FUT9: variants seen among roughly 807,000 people sequenced by gnomAD.
FUT9 encodes 4-galactosyl-N-acetylglucosaminide 3-alpha-L-fucosyltransferase 9.
FUT9 carries 15 observed loss-of-function variants against 29.7 expected under a neutral mutation model. The ratio of observed to expected loss-of-function variants is 0.51; its 90% CI spans 0.34 to 0.78. FUT9 has a LOEUF of 0.78. FUT9 is among the 30% of genes least tolerant of loss of function. The pLI is 0.01. For missense variants in FUT9, 319 were observed against 425.4 expected (o/e 0.75, Z 2.20); for synonymous variants, 169 against 153.7 (o/e 1.10, Z -0.74).
intron 1 of FUT9, among the ~76,000 whole-genome samples, chr6:96,016,483 C>G (rs958698341): frequency 2.6e-5 from 4 of 152,194 alleles, no homozygotes; most frequent in Non-Finnish European, 4.4e-5. Context: ...ACACTAGCAG[C>G]AGTAGATGGC....
At chr6:96,161,422 T>C (rs1458805047) in intron 2 of FUT9, among the ~76,000 whole-genome samples, 1 of 152,150 alleles carries the variant, frequency 6.6e-6, no homozygotes, top group Non-Finnish European at 1.5e-5. Flanking sequence ...GAGAAATAAA[T>C]ATTTGTTGTT....
chr6:96,102,270 A>G (rs1771599694), intron 1 of FUT9, among the ~76,000 whole-genome samples: 1 of 152,144 alleles, frequency 6.6e-6, no homozygotes, highest in South Asian at 2.1e-4. Context: ...TATTTATTAC[A>G]ATGACAAGTA....
chr6:96,109,888 C>T (rs1771764828), intron 1 of FUT9, among the ~76,000 whole-genome samples: 1 of 152,092 alleles, frequency 6.6e-6, no homozygotes, highest in Admixed American at 6.6e-5. Flanking sequence ...GCTGTCTTAC[C>T]CTTCCCCTCA....
At chr6:96,055,549 T>C (rs1463020751) in intron 1 of FUT9, among the ~76,000 whole-genome samples, 3 of 151,926 alleles carry the variant, frequency 2.0e-5, no homozygotes, top group Admixed American at 6.6e-5. Context: ...TTAACTTTAT[T>C]GTTCAAGGGT....
At chr6:96,050,914 T>G (rs1372090636) in intron 1 of FUT9, among the ~76,000 whole-genome samples, 1 of 152,196 alleles carries the variant, frequency 6.6e-6, no homozygotes, top group African/African-American at 2.4e-5. Context: ...ATAAAAACAC[T>G]TAATAATGTA....
chr6:96,069,682 A>G (rs1771025026), intron 1 of FUT9, among the ~76,000 whole-genome samples: 1 of 151,476 alleles, frequency 6.6e-6, no homozygotes, highest in Admixed American at 6.6e-5. Context: ...CCCAGGCTGG[A>G]GTGCAGTGGT....
At chr6:96,125,673 T>G (rs1275419319) in intron 2 of FUT9, among the ~76,000 whole-genome samples, 3 of 152,136 alleles carry the variant, frequency 2.0e-5, no homozygotes, top group Non-Finnish European at 4.4e-5. Flanking sequence ...CTTCTGAACC[T>G]CCACCTGCAC....
chr6:96,026,350 C>T (rs896834938), intron 1 of FUT9, among the ~76,000 whole-genome samples: 2 of 151,520 alleles, frequency 1.3e-5, no homozygotes, highest in Admixed American at 1.3e-4. Context: ...AAGAAGGAAG[C>T]TTTTGGAACA....
At chr6:96,138,438 G>A (rs1772400741) in intron 2 of FUT9, among the ~76,000 whole-genome samples, 1 of 150,360 alleles carries the variant, frequency 6.7e-6, no homozygotes, top group Non-Finnish European at 1.5e-5. Flanking sequence ...GATATGTGCA[G>A]GAATATTCTT....
intron 2 of FUT9, among the ~76,000 whole-genome samples, chr6:96,168,544 A>C (rs1380939669): frequency 6.6e-6 from 1 of 152,248 alleles, no homozygotes; most frequent in East Asian, 1.9e-4. Flanking sequence ...AGAGTGAATA[A>C]GATGAAGACT....
intron 1 of FUT9, among the ~76,000 whole-genome samples, chr6:96,018,105 T>A (rs887160206): frequency 6.6e-6 from 1 of 152,160 alleles, no homozygotes; most frequent in African/African-American, 2.4e-5. Context: ...CTGTGAATAA[T>A]GAGTTTATTG....
chr6:96,089,102 A>G (rs762569344), intron 1 of FUT9, among the ~76,000 whole-genome samples: 1 of 152,200 alleles, frequency 6.6e-6, no homozygotes, highest in African/African-American at 2.4e-5. Context: ...ATCGGAATAC[A>G]AACTATAACT....
chr6:96,042,622 A>G (rs1317956202), intron 1 of FUT9, among the ~76,000 whole-genome samples: 1 of 152,124 alleles, frequency 6.6e-6, no homozygotes, highest in Non-Finnish European at 1.5e-5. Flanking sequence ...TTTTTTAGTT[A>G]TTTAATGTAG....
intron 2 of FUT9, among the ~76,000 whole-genome samples, chr6:96,140,372 C>T (rs1038761861): frequency 1.3e-5 from 2 of 151,414 alleles, no homozygotes; most frequent in East Asian, 1.9e-4. Context: ...CCAACATCTT[C>T]CTGTCTTCTT....
At chr6:96,151,222 A>T (rs1250247657) in intron 2 of FUT9, among the ~76,000 whole-genome samples, 1 of 152,158 alleles carries the variant, frequency 6.6e-6, no homozygotes, top group East Asian at 1.9e-4. Context: ...CTTTGATTAA[A>T]CTTGATAGTG....
intron 2 of FUT9, among the ~76,000 whole-genome samples, chr6:96,160,943 T>C (rs1772888588): frequency 6.6e-6 from 1 of 152,168 alleles, no homozygotes; most frequent in African/African-American, 2.4e-5. Flanking sequence ...TATTCTGTTT[T>C]TAAACTATGA....
intron 1 of FUT9, among the ~76,000 whole-genome samples, chr6:96,112,704 G>A (rs536274755): frequency 2.0e-5 from 3 of 152,138 alleles, no homozygotes; most frequent in Non-Finnish European, 4.4e-5. Context: ...AGAACAAGAT[G>A]CTTAACAAGT....
In FUT9 at chr6:96,063,038, CTA is replaced by C. The variant is rs553787373; in HGVS notation, c.-98+46827_-98+46828del. On this transcript the variant is annotated intron_variant, in intron 1 of 2. Transcript: ENST00000302103. ...TAATTTCCTTGTGAAAAGATAATGA[CTA>C]AACCTCCTCGTAAATGAACTAATAG... Among the ~76,000 whole-genome samples the C allele has an allele frequency of 3.0e-3, 454 of 152,240 alleles. 1 individual carries two copies. Among genetic ancestry groups the C allele is most frequent in the African/African-American group, 0.01 (425 of 41,534 alleles).
chr6:96,105,346 C>G (rs1041227993), intron 1 of FUT9, among the ~76,000 whole-genome samples: 1 of 152,114 alleles, frequency 6.6e-6, no homozygotes, highest in Admixed American at 6.5e-5. Flanking sequence ...GGAGTGGACT[C>G]TTTTTCTTTC....
Sources: allele counts gnomAD v4.1 joint callset (sites outside exome capture counted in the v4.1 genomes callset), GRCh38; gene constraint gnomAD v4.1.1; transcripts MANE v1.5; gene names NCBI Gene and HGNC (gene_info 2026-07-23, HGNC 2026-07-21).